KLF8: variants seen among roughly 807,000 people sequenced by gnomAD.
The protein encoded by KLF8 is Krueppel-like factor 8.
Under a neutral mutation model 18.2 loss-of-function variants are expected in KLF8, and 10 were observed. That is an observed-to-expected ratio of 0.55 (90% CI 0.34 to 0.93). KLF8 has a LOEUF of 0.93. KLF8 is among the 40% of genes least tolerant of loss of function. The pLI is 0.02. For synonymous variants in KLF8, 109 were observed against 97.3 expected (o/e 1.12, Z -0.71); for missense variants, 264 against 277.9 (o/e 0.95, Z 0.36).
chrX:56,042,504 CT>C, the KLF8 span, among the ~76,000 whole-genome samples: 4 of 111,312 alleles, frequency 3.6e-5, no homozygotes, highest in Non-Finnish European at 7.5e-5. Flanking sequence ...TAATAAGTTG[CT>C]TGAGTCTGGA....
At chrX:55,946,891 G>C in the KLF8 span, among the ~76,000 whole-genome samples, 25 of 111,745 alleles carry the variant, frequency 2.2e-4, no homozygotes, top group South Asian at 5.3e-3. Flanking sequence ...AGAAAATGCT[G>C]ACCATCACTG....
the KLF8 span, among the ~76,000 whole-genome samples, chrX:56,101,388 G>C: frequency 1.8e-5 from 2 of 111,880 alleles, no homozygotes; most frequent in African/African-American, 6.5e-5. Context: ...CATCTAGATT[G>C]ACTCCATGTC....
At chrX:56,253,389 T>G (rs1351961002) in intron 2 of KLF8, among the ~76,000 whole-genome samples, 1 of 112,024 alleles carries the variant, frequency 8.9e-6, no homozygotes, top group African/African-American at 3.2e-5. Flanking sequence ...TTTTTGTATA[T>G]GGTTAGAGAT....
At chrX:56,216,040 GA>G in the KLF8 span, among the ~76,000 whole-genome samples, 1 of 106,675 alleles carries the variant, frequency 9.4e-6, no homozygotes, top group South Asian at 4.4e-4. Context: ...GCTCAAGTTA[GA>G]ATTCTAAGAA....
At chrX:55,934,850 A>AGTTACT in the KLF8 span, among the ~76,000 whole-genome samples, 1 of 111,984 alleles carries the variant, frequency 8.9e-6, no homozygotes. Flanking sequence ...GGCTCCTGGG[A>AGTTACT]GTTACTGGGA....
chrX:56,178,530 T>C, the KLF8 span, among the ~76,000 whole-genome samples: 5 of 112,494 alleles, frequency 4.4e-5, no homozygotes, highest in Admixed American at 4.7e-4. Context: ...GCCATTGCTT[T>C]TGGTGTTTTA....
At chrX:56,139,905 T>A in the KLF8 span, among the ~76,000 whole-genome samples, 1 of 111,824 alleles carries the variant, frequency 8.9e-6, no homozygotes, top group Non-Finnish European at 1.9e-5. Flanking sequence ...ATCCATAATC[T>A]GTAAGGAACT....
the KLF8 span, among the ~76,000 whole-genome samples, chrX:56,189,937 G>T: frequency 2.9e-5 from 3 of 105,162 alleles, no homozygotes. Context: ...GAGTTAATGG[G>T]TGCAGCACAC....
At chrX:56,259,092 C>A (rs188911728) in intron 2 of KLF8, among the ~76,000 whole-genome samples, 37 of 111,216 alleles carry the variant, frequency 3.3e-4, no homozygotes, top group African/African-American at 1.2e-3. Flanking sequence ...ATGTCTTGGT[C>A]AAAATGTATG....
At chrX:56,240,887 G>A (rs890189544) in intron 1 of KLF8, among the ~76,000 whole-genome samples, 2 of 111,368 alleles carry the variant, frequency 1.8e-5, no homozygotes, top group African/African-American at 3.3e-5. Flanking sequence ...ACCTCACAGG[G>A]CAATTGTGAA....
the KLF8 span, among the ~76,000 whole-genome samples, chrX:56,071,498 G>A: frequency 8.9e-6 from 1 of 111,887 alleles, no homozygotes; most frequent in Non-Finnish European, 1.9e-5. Context: ...AGACAAAAAA[G>A]GATGTTGAAG....
the KLF8 span, among the ~76,000 whole-genome samples, chrX:56,052,783 C>T: frequency 4.5e-5 from 5 of 112,048 alleles, no homozygotes; most frequent in Non-Finnish European, 9.4e-5. Context: ...CCTTGAGCTG[C>T]AGTGGGCTCC....
intron 3 of KLF8, chrX:56,268,137 C>A (rs1476977528): frequency 1.8e-5 from 2 of 111,177 alleles, no homozygotes; most frequent in Admixed American, 9.6e-5. Context: ...GGATTTTATT[C>A]TTTGTTATAA....
rs1389992484 is a variant in KLF8, at chrX:56,288,501, A to G, written c.*4007A>G. ...ATCACATCATACAGGCATACTTTGG[A>G]GACAATGCAGATTTGGTTCCAGATC... On this transcript the variant is annotated 3_prime_UTR_variant, in exon 6 of 6. Transcript: ENST00000468660. Among the ~76,000 whole-genome samples, 1 of 111,057 alleles carries G rather than the reference A, an allele frequency of 9.0e-6. No individual in the cohort carries two copies. The highest frequency in any genetic ancestry group is 3.3e-5 in the African/African-American group (1 of 30,417).
At chrX:56,277,241 G>A (rs2067135498) in intron 5 of KLF8, among the ~76,000 whole-genome samples, 1 of 111,552 alleles carries the variant, frequency 9.0e-6, no homozygotes, top group African/African-American at 3.3e-5. Flanking sequence ...TCTGGGCATT[G>A]AAGAGTTAGG....
chrX:55,962,834 T>G, the KLF8 span, among the ~76,000 whole-genome samples: 11 of 112,642 alleles, frequency 9.8e-5, no homozygotes, highest in African/African-American at 3.2e-4. Context: ...TGAAGTGTAA[T>G]ACAGTGTCAG....
chrX:56,264,448 AATTT>A (rs1380884689), intron 2 of KLF8, among the ~76,000 whole-genome samples: 2 of 110,159 alleles, frequency 1.8e-5, no homozygotes, highest in Non-Finnish European at 3.8e-5. Flanking sequence ...TAAACTAATA[AATTT>A]ATTTATTAGT....
At chrX:56,159,864 G>T in the KLF8 span, among the ~76,000 whole-genome samples, 3 of 111,146 alleles carry the variant, frequency 2.7e-5, no homozygotes, top group Non-Finnish European at 5.7e-5. Context: ...ATTTTTTGAA[G>T]GGTTTTTTTA....
At chrX:55,978,832 A>G in the KLF8 span, among the ~76,000 whole-genome samples, 1 of 111,931 alleles carries the variant, frequency 8.9e-6, no homozygotes, top group Admixed American at 9.5e-5. Context: ...TATAAATGTT[A>G]TCAGTTCTAG....
Sources: allele counts gnomAD v4.1 joint callset (sites outside exome capture counted in the v4.1 genomes callset), GRCh38; gene constraint gnomAD v4.1.1; transcripts MANE v1.5; gene names NCBI Gene and HGNC (gene_info 2026-07-23, HGNC 2026-07-21).